ENDOV: variants seen among roughly 807,000 people sequenced by gnomAD.
The protein encoded by ENDOV is hEndoV.
In ENDOV, 37 loss-of-function variants were observed where a neutral mutation model predicts 39.4. The observed-to-expected ratio is 0.94, with a 90% confidence interval of 0.72 to 1.23. The LOEUF is 1.23. Ranked by LOEUF, ENDOV falls within the 50% of genes most tolerant of loss-of-function variation. The pLI is 0.00. For synonymous variants in ENDOV, 186 were observed against 163.4 expected, an observed-to-expected ratio of 1.14 and a Z score of -1.05; for missense variants, 441 against 375.7, an observed-to-expected ratio of 1.17 and a Z score of -1.44.
chr17:80,424,334 C>T, intron 5 of ENDOV: 1 of 399,580 alleles, frequency 2.5e-6, no homozygotes, highest in Admixed American at 4.4e-5. Flanking sequence ...GCCAGAAATA[C>T]CAGCCTGTTG....
rs1347721995 is a variant in ENDOV at position 80,428,433 on chromosome 17, A to T, written c.715-163A>T. ...AAAGTCCCAGGCATGCCTGTCCCAC[A>T]CTCGCTGACAGGGCCGCGGCTCCTG... is the stretch of plus-strand genomic sequence containing the variant. On this transcript the variant is annotated intron_variant, in intron 7 of 9. Coordinates refer to ENST00000518137, the MANE Select transcript of ENDOV (RefSeq NM_173627.5). 4.5e-6 allele frequency: 3 copies of T among 672,974 alleles called. No individual in the cohort carries two copies. The South Asian group carries it at 5.7e-5, about 13-fold the overall frequency. 41.7% of individuals were successfully genotyped at this position (672,974 alleles called of 1,614,324 possible). A position where few individuals can be genotyped will look rare whatever the true frequency, so the allele number is the denominator to read the frequency against.
chr17:80,415,450 G>T, intron 1 of ENDOV, 200 bp downstream of exon 1: 3 of 992,792 alleles, frequency 3.0e-6, no homozygotes, highest in African/African-American at 1.6e-5. Flanking sequence ...CTCGCTTCCG[G>T]CCAGTTTGTC....
At chr17:80,430,420 G>T in intron 9 of ENDOV, 1 of 1,440,714 alleles carries the variant, frequency 6.9e-7, no homozygotes, top group Non-Finnish European at 9.2e-7. Flanking sequence ...TTTACCCTGA[G>T]GTTTACTTGC....
At chr17:80,430,053 G>A in intron 9 of ENDOV, 3 of 1,535,826 alleles carry the variant, frequency 2.0e-6, no homozygotes, top group South Asian at 1.2e-5. Context: ...GGAGCACCCA[G>A]TCCCCAAAGA....
intron 8 of ENDOV, 102 bp downstream of exon 8, chr17:80,428,762 C>G: frequency 8.6e-7 from 1 of 1,160,514 alleles, no homozygotes; most frequent in South Asian, 1.4e-5. Flanking sequence ...TATTGTGGCT[C>G]AGGACAGACA....
chr17:80,423,655 C>A, intron 5 of ENDOV, 23 bp downstream of exon 5: 1 of 1,544,742 alleles, frequency 6.5e-7, no homozygotes, highest in Non-Finnish European at 8.7e-7. Context: ...CTGCTGCAGG[C>A]CATGCCCGGC....
At chr17:80,417,097 C>T (rs2081314469) in intron 2 of ENDOV, 1 of 152,186 alleles carries the variant, frequency 6.6e-6, no homozygotes, top group Admixed American at 6.5e-5. Flanking sequence ...CTCATGACCT[C>T]ATGGTGAATA....
rs772972721 is a variant in ENDOV, at chr17:80,437,851, C to T, written c.*1708C>T. The T allele has an allele frequency of 6.6e-6, 1 of 152,172 alleles. No individual in the cohort carries two copies. Among genetic ancestry groups the T allele is most frequent in the Non-Finnish European group, 1.5e-5 (1 of 68,046 alleles). 9.4% of individuals were successfully genotyped at this position (152,172 alleles called of 1,614,324 possible). ...GCGATTATGCTTCTGTAATCTGTAACCAGAAGTGCTCTTATGCCCAAACCT... is the reference window on the plus strand; with the variant it reads ...GCGATTATGCTTCTGTAATCTGTAATCAGAAGTGCTCTTATGCCCAAACCT... On this transcript the variant is annotated 3_prime_UTR_variant, in exon 10 of 10. Coordinates refer to ENST00000518137, the MANE Select transcript of ENDOV (RefSeq NM_173627.5).
chr17:80,415,199 C>G lies in ENDOV; in HGVS notation c.5C>G (p.Ala2Gly), dbSNP rs1046976274. 6.2e-6 allele frequency: 10 copies of G among 1,613,178 alleles called. No homozygotes were observed. Among genetic ancestry groups the G allele is most frequent in the Non-Finnish European group, 8.5e-6 (10 of 1,179,686 alleles). The change falls in exon 1 of 10, where the codon GCC (alanine) becomes GGC (glycine). Residue 2 changes from alanine (A) to glycine (G), a missense_variant. Transcript: ENST00000518137. ...AGGGGTGCCCGGGACGAAGCCATGG[C>G]CCTGGAGGCGGCGGGAGGGCCGCCG... is the stretch of plus-strand genomic sequence containing the variant. The part of the protein sequence containing the change: M[A>G]LEAAGGPPEE...
chr17:80,415,264 G>C lies in ENDOV; in HGVS notation c.56+14G>C. ...ACTGTGGAAACGGTAATGCTGTCAG[G>C]CGACGCGCAGGAGGCGGGGGCCGAG... is the stretch of plus-strand genomic sequence containing the variant. On this transcript the variant is annotated intron_variant, in intron 1 of 9. Coordinates refer to ENST00000518137, the MANE Select transcript of ENDOV (RefSeq NM_173627.5). The C allele has an allele frequency of 6.2e-7, 1 of 1,613,046 alleles. No individual in the cohort carries two copies. The highest frequency in any genetic ancestry group is 1.1e-5 in the South Asian group (1 of 91,020).
chr17:80,423,799 A>C (rs926824997), intron 5 of ENDOV, 167 bp downstream of exon 5: 1 of 647,696 alleles, frequency 1.5e-6, no homozygotes, highest in Non-Finnish European at 2.6e-6. Flanking sequence ...TGGGTGCTGC[A>C]TTGCCTGTCT....
intron 2 of ENDOV, among the ~76,000 whole-genome samples, chr17:80,421,384 C>T (rs919047270): frequency 3.3e-5 from 5 of 151,386 alleles, no homozygotes; most frequent in Non-Finnish European, 7.4e-5. Context: ...GGGAATCCTC[C>T]TATGGACCAG....
chr17:80,427,143 C>T (rs1316176440), intron 7 of ENDOV, among the ~76,000 whole-genome samples: 1 of 152,262 alleles, frequency 6.6e-6, no homozygotes, highest in Non-Finnish European at 1.5e-5. Context: ...GCTCCACAGC[C>T]TTGCAGGGCT....
intron 7 of ENDOV, chr17:80,427,635 A>C: frequency 8.4e-7 from 1 of 1,190,872 alleles, no homozygotes; most frequent in Non-Finnish European, 1.1e-6. Context: ...CTCTCGGTCC[A>C]TTTTCTTCCT....
intron 7 of ENDOV, chr17:80,427,957 A>G (rs868865410): frequency 2.8e-6 from 3 of 1,057,068 alleles, no homozygotes; most frequent in Non-Finnish European, 3.7e-6. Flanking sequence ...GCAGCCCTGA[A>G]GCTAATCTAA....
chr17:80,416,839 T>G (rs2081280051), intron 2 of ENDOV: 1 of 152,008 alleles, frequency 6.6e-6, no homozygotes, highest in African/African-American at 2.4e-5. Context: ...CAAGATCTGA[T>G]CTCAACCTCC....
chr17:80,419,249 G>C (rs2081628745), intron 2 of ENDOV, among the ~76,000 whole-genome samples: 1 of 151,632 alleles, frequency 6.6e-6, no homozygotes, highest in Admixed American at 6.6e-5. Flanking sequence ...TATAGCATAA[G>C]AATCTGCTTT....
In ENDOV at chr17:80,428,609, C is replaced by G; in HGVS notation, c.728C>G (p.Ser243Cys). Reference protein sequence around the residue: ...PEPVRQADICSREHIRKSLGL... With the variant: ...PEPVRQADICCREHIRKSLGL... ...TGTCTCCCCCAGGCTGACATCTGCT[C>G]CCGAGAGCACATCCGCAAGTCGCTG... is the stretch of plus-strand genomic sequence containing the variant. Residue 243 changes from serine (S) to cysteine (C), a missense_variant, in exon 8 of 10, where the codon TCC becomes TGC. Transcript: ENST00000518137. The G allele has an allele frequency of 6.3e-7, 1 of 1,584,566 alleles. No individual in the cohort carries two copies. Among genetic ancestry groups the G allele is most frequent in the Non-Finnish European group, 8.6e-7 (1 of 1,166,064 alleles).
chr17:80,421,538 T>G (rs1599353586), intron 2 of ENDOV, among the ~76,000 whole-genome samples: 5 of 95,660 alleles, frequency 5.2e-5, no homozygotes, highest in African/African-American at 8.5e-5. Flanking sequence ...GGGGTGGGGG[T>G]GCTGTTGCTA....
Sources: allele counts gnomAD v4.1 joint callset (sites outside exome capture counted in the v4.1 genomes callset), GRCh38; gene constraint gnomAD v4.1.1; transcripts MANE v1.5; gene names NCBI Gene and HGNC (gene_info 2026-07-23, HGNC 2026-07-21).